The following SIPA1L3 variants were observed in gnomAD, a reference collection of about 807,000 sequenced individuals.
SIPA1L3 encodes signal induced proliferation associated 1 like 3.
In SIPA1L3, 59 loss-of-function variants were observed where a neutral mutation model predicts 150.1. The observed-to-expected ratio is 0.39, with a 90% CI of 0.32 to 0.49. The LOEUF (loss-of-function observed/expected upper bound fraction) is 0.49. Ranked by LOEUF, SIPA1L3 falls within the 20% of genes least tolerant of loss-of-function variation. The pLI, the probability that SIPA1L3 is intolerant of heterozygous loss-of-function variation, is 0.86. For synonymous variants in SIPA1L3, 1,070 were observed against 1,077.6 expected, an observed-to-expected ratio of 0.99 and a Z score of 0.14; for missense variants, 2,211 against 2,489.5, an observed-to-expected ratio of 0.89 and a Z score of 2.38.
At chr19:38,157,845 C>T (rs968820104) in intron 13 of SIPA1L3, among the ~76,000 whole-genome samples, 2 of 152,164 alleles carry the variant, frequency 1.3e-5, no homozygotes, top group Non-Finnish European at 2.9e-5. Context: ...GTGAGCCAGG[C>T]AGGCATGTTT....
intron 2 of SIPA1L3, among the ~76,000 whole-genome samples, chr19:38,052,277 G>T (rs1456304173): frequency 2.0e-5 from 3 of 151,984 alleles, no homozygotes; most frequent in African/African-American, 7.2e-5. Flanking sequence ...TTAGCGGAAG[G>T]AATTCAATAC....
In SIPA1L3 at chr19:38,083,116, G is replaced by A. The variant is rs758498758; in HGVS notation, c.1534+17G>A. 3.1e-6 allele frequency: 5 copies of A among 1,597,362 alleles called. No homozygotes were observed. Among genetic ancestry groups the A allele is most frequent in the Non-Finnish European group, 1.7e-6 (2 of 1,174,078 alleles). On this transcript the variant is annotated intron_variant, in intron 3 of 21. Coordinates refer to ENST00000222345, the MANE Select transcript of SIPA1L3 (RefSeq NM_015073.3). Reference sequence around the variant, plus strand: ...TGGGCAAAGGTGACGGATGGCGTGTGGGTGGGAAGGTTGGGTGGGCCGAGG... The same window carrying A: ...TGGGCAAAGGTGACGGATGGCGTGTAGGTGGGAAGGTTGGGTGGGCCGAGG...
chr19:38,201,350 G>A (rs1323778041), intron 19 of SIPA1L3, among the ~76,000 whole-genome samples: 2 of 152,242 alleles, frequency 1.3e-5, no homozygotes, highest in East Asian at 1.9e-4. Context: ...AGCCCCGTGC[G>A]ATTTCTTTTC....
intron 1 of SIPA1L3, among the ~76,000 whole-genome samples, chr19:37,975,121 G>T (rs752878): frequency 0.29 from 44,256 of 152,090 alleles, 7,953 homozygotes; most frequent in East Asian, 0.62. Flanking sequence ...AGCAAATCCC[G>T]GCCGTCGTGG....
intron 2 of SIPA1L3, among the ~76,000 whole-genome samples, chr19:38,073,603 G>A (rs560095342): frequency 1.1e-4 from 17 of 152,256 alleles, no homozygotes; most frequent in African/African-American, 3.6e-4. Flanking sequence ...CAGAAGCCAC[G>A]CTTGGCAGTC....
intron 3 of SIPA1L3, among the ~76,000 whole-genome samples, chr19:38,084,679 G>A (rs1970086457): frequency 8.0e-6 from 1 of 125,424 alleles, no homozygotes; most frequent in South Asian, 2.5e-4. Flanking sequence ...CTGTCGCCTC[G>A]CCCAGGCTGG....
chr19:37,928,013 G>A (rs887610620), intron 1 of SIPA1L3, among the ~76,000 whole-genome samples: 1 of 152,142 alleles, frequency 6.6e-6, no homozygotes, highest in African/African-American at 2.4e-5. Context: ...GAAGAGTGCT[G>A]CGATGAACGT....
In SIPA1L3 at chr19:38,204,217, G is replaced by A. The variant is rs965178438; in HGVS notation, c.5202+9G>A. 38 of 1,549,780 alleles carry A rather than the reference G, an allele frequency of 2.5e-5. No individual in the cohort carries two copies. The highest frequency in any genetic ancestry group is 2.1e-4 in the Middle Eastern group (1 of 4,748). ...ACACTGACCTGCAGAAGGTAAGGCC[G>A]GGGGCCACGCCCTCTCCATCCCACT... On this transcript the variant is annotated intron_variant, in intron 21 of 21. Transcript: ENST00000222345.
intron 1 of SIPA1L3, among the ~76,000 whole-genome samples, chr19:37,983,539 G>A (rs117418328): frequency 6.6e-6 from 1 of 152,146 alleles, no homozygotes; most frequent in Non-Finnish European, 1.5e-5. Flanking sequence ...TCAGGTATGC[G>A]GAGAGACCAG....
intron 1 of SIPA1L3, among the ~76,000 whole-genome samples, chr19:37,956,989 C>T (rs1454030975): frequency 1.3e-5 from 2 of 152,060 alleles, no homozygotes; most frequent in Non-Finnish European, 2.9e-5. Context: ...CATAAGGGGC[C>T]TAAATTTATC....
intron 8 of SIPA1L3, among the ~76,000 whole-genome samples, chr19:38,111,117 C>T (rs548584699): frequency 1.1e-4 from 16 of 151,724 alleles, no homozygotes; most frequent in South Asian, 2.1e-4. Flanking sequence ...TTGACCCCCC[C>T]GGGCTCAAAC....
intron 1 of SIPA1L3, among the ~76,000 whole-genome samples, chr19:37,955,691 T>C (rs955767889): frequency 1.3e-5 from 2 of 152,246 alleles, no homozygotes; most frequent in Non-Finnish European, 2.9e-5. Flanking sequence ...CTCCAGGTGA[T>C]AGCTCATATC....
intron 1 of SIPA1L3, among the ~76,000 whole-genome samples, chr19:37,996,724 C>T (rs1454915356): frequency 6.6e-6 from 1 of 152,106 alleles, no homozygotes; most frequent in Non-Finnish European, 1.5e-5. Context: ...GAGACAGAGT[C>T]TCACTCTGTT....
chr19:38,138,910 A>AAAAAAAAAAAAAAAAAAAACAAAAAC (rs1343348254), intron 10 of SIPA1L3, among the ~76,000 whole-genome samples: 29 of 112,848 alleles, frequency 2.6e-4, no homozygotes, highest in African/African-American at 3.8e-4. Context: ...AAAAAAAAAA[A>AAAAAAAAAAAAAAAAAAAACAAAAAC]AAAAACTGAG....
chr19:38,170,003 A>T (rs1423975586), intron 15 of SIPA1L3, among the ~76,000 whole-genome samples: 1 of 146,814 alleles, frequency 6.8e-6, no homozygotes, highest in Non-Finnish European at 1.5e-5. Context: ...GGGCCCAGGT[A>T]GAGGGGCCAG....
intron 15 of SIPA1L3, among the ~76,000 whole-genome samples, chr19:38,179,357 G>A (rs762169219): frequency 3.3e-5 from 5 of 152,154 alleles, no homozygotes; most frequent in Non-Finnish European, 5.9e-5. Context: ...CAGGAGAATC[G>A]CTTGAGCCAG....
At chr19:38,153,133 C>T (rs1462063104) in intron 13 of SIPA1L3, among the ~76,000 whole-genome samples, 166 bp downstream of exon 13, 1 of 152,196 alleles carries the variant, frequency 6.6e-6, no homozygotes, top group Non-Finnish European at 1.5e-5. Context: ...AGGAGAGCAG[C>T]GGAACCAGCA....
intron 2 of SIPA1L3, among the ~76,000 whole-genome samples, chr19:38,030,623 AATAT>A (rs757828313): frequency 0.022 from 943 of 42,626 alleles, 106 homozygotes; most frequent in African/African-American, 0.053. Context: ...ATATGTGGCA[AATAT>A]ATATATATAT....
At chr19:37,994,429 T>C (rs958500010) in intron 1 of SIPA1L3, among the ~76,000 whole-genome samples, 2 of 152,138 alleles carry the variant, frequency 1.3e-5, no homozygotes, top group African/African-American at 4.8e-5. Flanking sequence ...TGAAGTTGTT[T>C]TTCAGCGGTG....
Sources: gnomAD v4.1 joint callset for allele counts (sites outside exome capture counted in the v4.1 genomes callset) on GRCh38, gnomAD v4.1.1 for gene constraint, MANE v1.5 for transcripts, NCBI Gene and HGNC (gene_info 2026-07-23, HGNC 2026-07-21) for gene names.